The following LEMD3 variants were observed in gnomAD, a reference collection of about 807,000 sequenced individuals.
LEMD3 encodes inner nuclear membrane protein Man1.
Under a neutral mutation model 95.2 loss-of-function variants are expected in LEMD3, and 33 were observed. The observed-to-expected ratio is 0.35, with a 90% CI of 0.26 to 0.46. The LOEUF (loss-of-function observed/expected upper bound fraction) is 0.46, where lower values mean the gene tolerates loss of function less well. Ranked by LOEUF, LEMD3 falls within the 20% of genes least tolerant of loss-of-function variation. The probability of loss-of-function intolerance (pLI) is 1.00; values close to 1 mark genes in which losing one functional copy is unlikely to be tolerated. For missense variants in LEMD3, 1,210 were observed against 1,192.8 expected (o/e 1.01, Z -0.21); for synonymous variants, 525 against 474.6 (o/e 1.11, Z -1.38).
In LEMD3 at chr12:65,170,509, A is replaced by G. The variant is rs200784504; in HGVS notation, c.913A>G (p.Arg305Gly). Residue 305 changes from arginine to glycine, a missense_variant, in exon 1 of 13, where the codon AGG (arginine) becomes GGG (glycine). This residue lies in a region of LEMD3 where 749 missense variants were observed against 622.9 expected (regional missense o/e 1.20). Coordinates refer to ENST00000308330, the MANE Select transcript of LEMD3 (RefSeq NM_014319.5). ...GCTGACTGCTAAATCGGCCGGCGGC[A>G]GGCTGGAGACTTCAGTTCAGGGAGG... ...PPLTAKSAGG[R>G]LETSVQGGGG... The G allele has an allele frequency of 1.1e-5, 17 of 1,614,102 alleles. No homozygotes were observed. The East Asian group carries it at 2.2e-4, about 21-fold the overall frequency.
chr12:65,240,205 A>G lies in LEMD3; in HGVS notation c.2093A>G (p.His698Arg), dbSNP rs929953790. 1.9e-6 allele frequency: 3 copies of G among 1,613,534 alleles called. No homozygotes were observed. Among genetic ancestry groups the G allele is most frequent in the African/African-American group, 2.7e-5 (2 of 74,928 alleles). Residue 698 changes from histidine to arginine, a missense_variant, in exon 8 of 13, where the codon CAT (histidine) becomes CGT (arginine). By Grantham distance (29) the His-to-Arg change is conservative (BLOSUM62 0). This residue lies in a region of LEMD3 where 461 missense variants were observed against 569.8 expected (regional missense o/e 0.81). Transcript: ENST00000308330. ...KDLQPYMPIP[H>R]VRDSLIQPHD... Reference sequence around the variant, plus strand: ...TTACAACCTTACATGCCTATTCCACATGTACGCGATTCCTTAATACAGCCT... The same window carrying G: ...TTACAACCTTACATGCCTATTCCACGTGTACGCGATTCCTTAATACAGCCT...
chr12:65,202,300 G>A (rs1869625596), intron 1 of LEMD3, among the ~76,000 whole-genome samples: 1 of 152,042 alleles, frequency 6.6e-6, no homozygotes, highest in Non-Finnish European at 1.5e-5. Flanking sequence ...TTACAGGCGT[G>A]AACCACTGCG....
chr12:65,239,670 G>GTT (rs1162230762), intron 6 of LEMD3, among the ~76,000 whole-genome samples: 1 of 152,002 alleles, frequency 6.6e-6, no homozygotes, highest in African/African-American at 2.4e-5. Context: ...GTGAAACATA[G>GTT]TTATATATAT....
At chr12:65,186,440 G>A (rs1038087846) in intron 1 of LEMD3, among the ~76,000 whole-genome samples, 1 of 151,706 alleles carries the variant, frequency 6.6e-6, no homozygotes, top group Admixed American at 6.6e-5. Flanking sequence ...GAATGAAAAA[G>A]GATAAAAATA....
chr12:65,172,996 C>G (rs1266048339), intron 1 of LEMD3, among the ~76,000 whole-genome samples: 5 of 152,094 alleles, frequency 3.3e-5, no homozygotes, highest in Admixed American at 3.3e-4. Flanking sequence ...TCTAATCTTC[C>G]CAGCAACTCA....
Position 65,246,315 on chromosome 12 carries a change from G to A in LEMD3, c.2726G>A (p.Gly909Glu), listed in dbSNP as rs908170121. The change falls in exon 13 of 13, where the codon GGA becomes GAA. Residue 909 changes from glycine to glutamate, a missense_variant. By Grantham distance (98) the Gly-to-Glu change is moderately conservative (BLOSUM62 -2). Transcript: ENST00000308330. ...CGGACTGGCCTAACCAATTCTCAAG[G>A]AAGTTCCTGAAAAGATTTTCTTCCA... ...RLRTGLTNSQ[G>E]SS 6.2e-7 allele frequency: 1 copy of A among 1,612,206 alleles called. No homozygotes were observed. Among genetic ancestry groups the A allele is most frequent in the South Asian group, 1.1e-5 (1 of 91,060 alleles).
chr12:65,193,732 C>G (rs1002445404), intron 1 of LEMD3, among the ~76,000 whole-genome samples: 1 of 129,356 alleles, frequency 7.7e-6, no homozygotes, highest in Admixed American at 7.8e-5. Flanking sequence ...ACATAACTGG[C>G]TGTGTGTGTG....
intron 1 of LEMD3, among the ~76,000 whole-genome samples, chr12:65,200,456 A>G (rs1490776832): frequency 6.6e-6 from 1 of 152,126 alleles, no homozygotes; most frequent in East Asian, 1.9e-4. Context: ...AAGAACCAGG[A>G]TGACTCATAG....
At position 65,241,827 on chromosome 12, in the gene LEMD3, A is replaced by G. The variant is rs78512029; in HGVS notation, c.2305+740A>G. ...CCAGTCACTCCTTTTTTATTCTCCA[A>G]TTAATTTTCACTTTGAAAAAGCTTG... On this transcript the variant is annotated intron_variant, in intron 9 of 12. Coordinates refer to ENST00000308330, the MANE Select transcript of LEMD3 (RefSeq NM_014319.5). Among the ~76,000 whole-genome samples, 430 of 152,284 alleles carry G rather than the reference A, an allele frequency of 2.8e-3. 13 individuals are homozygous for G. In the East Asian group the frequency reaches 0.044, roughly 16 times the overall value.
intron 1 of LEMD3, among the ~76,000 whole-genome samples, chr12:65,176,834 TCAG>T (rs1868735145): frequency 6.6e-6 from 1 of 152,216 alleles, no homozygotes; most frequent in South Asian, 2.1e-4. Context: ...ATTAGTATCT[TCAG>T]CACAGATTCA....
intron 1 of LEMD3, among the ~76,000 whole-genome samples, chr12:65,177,683 C>G (rs1868766883): frequency 6.6e-6 from 1 of 151,826 alleles, no homozygotes. Context: ...TCTTTAAAAT[C>G]AAGACCAGTT....
At chr12:65,221,021 G>A (rs1592452759) in intron 4 of LEMD3, among the ~76,000 whole-genome samples, 1 of 152,210 alleles carries the variant, frequency 6.6e-6, no homozygotes, top group East Asian at 1.9e-4. Context: ...GTTCCATATG[G>A]ATATTAGGAT....
At chr12:65,235,712 G>A (rs1044496091) in intron 4 of LEMD3, among the ~76,000 whole-genome samples, 1 of 151,908 alleles carries the variant, frequency 6.6e-6, no homozygotes, top group African/African-American at 2.4e-5. Flanking sequence ...GGTATCCATG[G>A]GGCATCCTGG....
At chr12:65,192,617 T>C (rs934330329) in intron 1 of LEMD3, among the ~76,000 whole-genome samples, 2 of 152,178 alleles carry the variant, frequency 1.3e-5, no homozygotes, top group Non-Finnish European at 2.9e-5. Flanking sequence ...AATTACCATA[T>C]AGTAATTGGA....
chr12:65,235,340 T>C (rs934537446), intron 4 of LEMD3, among the ~76,000 whole-genome samples: 3 of 152,124 alleles, frequency 2.0e-5, no homozygotes, highest in Admixed American at 6.5e-5. Flanking sequence ...TTATTTTGTG[T>C]AACTTTATTG....
At chr12:65,174,512 G>A (rs1252565083) in intron 1 of LEMD3, among the ~76,000 whole-genome samples, 1 of 152,062 alleles carries the variant, frequency 6.6e-6, no homozygotes, top group Non-Finnish European at 1.5e-5. Flanking sequence ...CAGAAAGTTT[G>A]AATAGAGATG....
chr12:65,204,280 G>C (rs1869696416), intron 1 of LEMD3, among the ~76,000 whole-genome samples: 1 of 151,762 alleles, frequency 6.6e-6, no homozygotes, highest in Non-Finnish European at 1.5e-5. Context: ...CTGTCACCCA[G>C]GTATTAAGGC....
At chr12:65,195,705 G>A (rs1384183621) in intron 1 of LEMD3, among the ~76,000 whole-genome samples, 1 of 152,104 alleles carries the variant, frequency 6.6e-6, no homozygotes, top group Non-Finnish European at 1.5e-5. Context: ...AGATGGCCAG[G>A]AAAAGCTTCT....
intron 4 of LEMD3, among the ~76,000 whole-genome samples, chr12:65,222,513 CT>C: frequency 6.6e-6 from 1 of 152,028 alleles, no homozygotes; most frequent in Non-Finnish European, 1.5e-5. Context: ...ATTAATTCTT[CT>C]TTAATAAAAT....
Sources: allele counts gnomAD v4.1 joint callset (sites outside exome capture counted in the v4.1 genomes callset), GRCh38; gene constraint gnomAD v4.1.1; regional missense constraint gnomAD v4.1.1; transcripts MANE v1.5; gene names NCBI Gene and HGNC (gene_info 2026-07-23, HGNC 2026-07-21).